NOX4: variants seen among roughly 807,000 people sequenced by gnomAD.
NOX4 encodes the protein kidney oxidase-1.
In NOX4, 69 loss-of-function variants were observed where a neutral mutation model predicts 87.6. The ratio of observed to expected loss-of-function variants is 0.79; its 90% CI spans 0.65 to 0.96. The LOEUF (loss-of-function observed/expected upper bound fraction) is 0.96. NOX4 is among the 40% of genes least tolerant of loss of function. NOX4 has a pLI of 0.00. For synonymous variants in NOX4, 275 were observed against 238.2 expected (o/e 1.15, Z -1.42); for missense variants, 680 against 681.5 (o/e 1.00, Z 0.02).
At chr11:89,461,397 C>A (rs1281441389) in intron 2 of NOX4, among the ~76,000 whole-genome samples, 1 of 151,806 alleles carries the variant, frequency 6.6e-6, no homozygotes, top group Non-Finnish European at 1.5e-5. Context: ...GTAATCCCAG[C>A]ACTTTGGGAG....
chr11:89,364,976 GTCCAGGGTTCTT>G (rs1427425870), intron 12 of NOX4, among the ~76,000 whole-genome samples: 2 of 152,016 alleles, frequency 1.3e-5, no homozygotes, highest in Admixed American at 1.3e-4. Context: ...AACACTCACA[GTCCAGGGTTCTT>G]TCCACTGCCG....
chr11:89,570,166 C>T, the NOX4 span, among the ~76,000 whole-genome samples: 4 of 152,148 alleles, frequency 2.6e-5, no homozygotes, highest in Non-Finnish European at 5.9e-5. Flanking sequence ...TGGAATATTA[C>T]GCAGTCATAA....
upstream of NOX4, among the ~76,000 whole-genome samples, chr11:89,494,007 G>A (rs889930789): frequency 2.0e-5 from 3 of 151,962 alleles, no homozygotes; most frequent in African/African-American, 4.8e-5. Flanking sequence ...CACCAGCCTC[G>A]GCCTCCCTAA....
intron 6 of NOX4, among the ~76,000 whole-genome samples, chr11:89,433,380 A>G (rs1293772503): frequency 1.3e-5 from 2 of 152,062 alleles, no homozygotes; most frequent in Non-Finnish European, 2.9e-5. Flanking sequence ...AATGGCAAAT[A>G]GGTACTTACT....
the NOX4 span, among the ~76,000 whole-genome samples, chr11:89,585,618 T>A: frequency 6.6e-6 from 1 of 152,190 alleles, no homozygotes; most frequent in South Asian, 2.1e-4. Flanking sequence ...TGAAACTTCA[T>A]TTACAAAACA....
chr11:89,524,783 AC>A, the NOX4 span, among the ~76,000 whole-genome samples: 1 of 152,122 alleles, frequency 6.6e-6, no homozygotes, highest in Non-Finnish European at 1.5e-5. Context: ...CTGACTAATT[AC>A]CAAATGCATT....
At chr11:89,356,292 T>A (rs936401589) in intron 12 of NOX4, among the ~76,000 whole-genome samples, 19 of 151,648 alleles carry the variant, frequency 1.3e-4, no homozygotes, top group African/African-American at 4.6e-4. Flanking sequence ...AATAAATAAA[T>A]AAGTGAATGA....
At chr11:89,580,290 T>A in the NOX4 span, among the ~76,000 whole-genome samples, 4 of 152,122 alleles carry the variant, frequency 2.6e-5, no homozygotes, top group South Asian at 8.3e-4. Flanking sequence ...GCTCAAGTGA[T>A]CCTCCTACCT....
chr11:89,525,263 T>C, the NOX4 span, among the ~76,000 whole-genome samples: 2 of 152,042 alleles, frequency 1.3e-5, no homozygotes, highest in East Asian at 1.9e-4. Context: ...GATCATATTG[T>C]AGATGTATGT....
At chr11:89,490,702 G>A (rs1185866423) in intron 1 of NOX4, 149 bp from the exon 2 acceptor site, 10 of 715,176 alleles carry the variant, frequency 1.4e-5, no homozygotes, top group Non-Finnish European at 2.5e-5. Context: ...TAACCAGCAA[G>A]CTGAAAACCA....
At chr11:89,436,677 T>C (rs1282066670) in intron 6 of NOX4, among the ~76,000 whole-genome samples, 2 of 152,154 alleles carry the variant, frequency 1.3e-5, no homozygotes, top group Non-Finnish European at 2.9e-5. Flanking sequence ...CTATTCATTA[T>C]CCTATTTTAC....
intron 2 of NOX4, among the ~76,000 whole-genome samples, chr11:89,461,651 T>A (rs1165580298): frequency 6.6e-6 from 1 of 150,916 alleles, no homozygotes; most frequent in Non-Finnish European, 1.5e-5. Context: ...TCTCAAAAAA[T>A]AAATAAATAA....
At chr11:89,506,428 AT>A in the NOX4 span, among the ~76,000 whole-genome samples, 1 of 151,780 alleles carries the variant, frequency 6.6e-6, no homozygotes, top group African/African-American at 2.4e-5. Flanking sequence ...ATGCACAAAT[AT>A]TAACTCAAAA....
chr11:89,496,718 T>A (rs185204821), upstream of NOX4, among the ~76,000 whole-genome samples: 1 of 152,144 alleles, frequency 6.6e-6, no homozygotes, highest in Non-Finnish European at 1.5e-5. Flanking sequence ...TAAAGAAAAT[T>A]CATTTTTTAC....
In NOX4 at chr11:89,402,556, T is replaced by G; in HGVS notation, c.630-14A>C. ...TTCAGCAGCCCTCTAAAATTACATT[T>G]AAAACAAACAAACAGAGAAATGAAA... On this transcript the variant is annotated splice_polypyrimidine_tract_variant and intron_variant, in intron 8 of 17. Transcript: ENST00000263317. The G allele has an allele frequency of 1.9e-6, 3 of 1,565,214 alleles. No individual in the cohort carries two copies. The East Asian group carries it at 6.7e-5, about 35-fold the overall frequency.
the NOX4 span, among the ~76,000 whole-genome samples, chr11:89,580,875 G>C: frequency 6.6e-6 from 1 of 152,158 alleles, no homozygotes; most frequent in East Asian, 1.9e-4. Context: ...GTGAAACATG[G>C]AATTTATTAT....
intron 6 of NOX4, among the ~76,000 whole-genome samples, chr11:89,436,889 T>C (rs1213675937): frequency 6.6e-6 from 1 of 152,154 alleles, no homozygotes; most frequent in Admixed American, 6.6e-5. Flanking sequence ...ACATTTCTTA[T>C]GTAGTAAGTT....
chr11:89,528,529 A>G, the NOX4 span, among the ~76,000 whole-genome samples: 1 of 152,184 alleles, frequency 6.6e-6, no homozygotes, highest in African/African-American at 2.4e-5. Flanking sequence ...TAATTGAATC[A>G]TGGGGATGAT....
chr11:89,389,584 T>C (rs1036923859), intron 11 of NOX4, among the ~76,000 whole-genome samples: 1 of 152,186 alleles, frequency 6.6e-6, no homozygotes, highest in African/African-American at 2.4e-5. Flanking sequence ...GTATGGACAA[T>C]CGAAAGCTTT....
Sources: allele counts gnomAD v4.1 joint callset (sites outside exome capture counted in the v4.1 genomes callset), GRCh38; gene constraint gnomAD v4.1.1; transcripts MANE v1.5; gene names NCBI Gene and HGNC (gene_info 2026-07-23, HGNC 2026-07-21).